The following GPC6 variants were observed in gnomAD, a reference collection of about 807,000 sequenced individuals.
The protein encoded by GPC6 is glypican-6.
Under a neutral mutation model 55.2 loss-of-function variants are expected in GPC6, and 14 were observed. The ratio of observed to expected loss-of-function variants is 0.25; its 90% CI spans 0.17 to 0.40. GPC6 has a LOEUF of 0.40. Ranked by LOEUF, GPC6 falls within the 10% of genes least tolerant of loss-of-function variation. The probability of loss-of-function intolerance (pLI) is 1.00; values close to 1 mark genes in which losing one functional copy is unlikely to be tolerated. For missense variants in GPC6, 641 were observed against 708.5 expected (o/e 0.90, Z 1.08); for synonymous variants, 278 against 259.6 (o/e 1.07, Z -0.68).
At chr13:93,817,024 G>C (rs536882753) in intron 2 of GPC6, among the ~76,000 whole-genome samples, 2 of 152,100 alleles carry the variant, frequency 1.3e-5, no homozygotes, top group African/African-American at 4.8e-5. Flanking sequence ...ATTTGTTAAA[G>C]GGAGTCCTGT....
At chr13:94,208,554 G>A (rs1232190185) in intron 4 of GPC6, among the ~76,000 whole-genome samples, 1 of 152,036 alleles carries the variant, frequency 6.6e-6, no homozygotes, top group East Asian at 1.9e-4. Flanking sequence ...AGGCCAGCGT[G>A]CACAGAGCAC....
intron 2 of GPC6, among the ~76,000 whole-genome samples, chr13:93,559,380 C>G (rs180717347): frequency 6.6e-6 from 1 of 152,276 alleles, no homozygotes; most frequent in African/African-American, 2.4e-5. Flanking sequence ...CAGTATTATA[C>G]ACAAATATAT....
At chr13:93,637,090 A>G (rs1879732905) in intron 2 of GPC6, among the ~76,000 whole-genome samples, 1 of 151,982 alleles carries the variant, frequency 6.6e-6, no homozygotes, top group Admixed American at 6.6e-5. Flanking sequence ...GTTTATTTGG[A>G]GGGGATGGGG....
chr13:94,340,466 A>G (rs899468501), intron 6 of GPC6, among the ~76,000 whole-genome samples: 1 of 152,190 alleles, frequency 6.6e-6, no homozygotes, highest in Non-Finnish European at 1.5e-5. Context: ...AAAGACCAAA[A>G]TTCTGGAGGC....
chr13:93,393,630 T>TTTTC (rs71123482), intron 1 of GPC6, among the ~76,000 whole-genome samples: 266 of 66,018 alleles, frequency 4.0e-3, no homozygotes, highest in Non-Finnish European at 0.012. Context: ...CTTAGACCTG[T>TTTTC]TCTCTCTCTC....
chr13:93,699,688 GA>G (rs1449444274), intron 2 of GPC6, among the ~76,000 whole-genome samples: 1 of 151,932 alleles, frequency 6.6e-6, no homozygotes, highest in East Asian at 1.9e-4. Flanking sequence ...CTTTCTATAG[GA>G]ATTGTGGTAA....
intron 2 of GPC6, among the ~76,000 whole-genome samples, chr13:93,695,763 G>T (rs1166736990): frequency 6.6e-6 from 1 of 152,036 alleles, no homozygotes; most frequent in Non-Finnish European, 1.5e-5. Flanking sequence ...TGTCAAAAAT[G>T]ATGAGCTCAA....
At chr13:94,168,092 G>A (rs1888428311) in intron 4 of GPC6, among the ~76,000 whole-genome samples, 1 of 152,210 alleles carries the variant, frequency 6.6e-6, no homozygotes, top group Non-Finnish European at 1.5e-5. Context: ...ATCACTGGTT[G>A]TCATAGGATG....
At chr13:93,551,308 CAA>C (rs11292944) in intron 2 of GPC6, among the ~76,000 whole-genome samples, 1,834 of 147,452 alleles carry the variant, frequency 0.012, 34 homozygotes, top group African/African-American at 0.04. Flanking sequence ...TGTTTTCTAA[CAA>C]AAAAAAAAAA....
chr13:93,370,303 C>A (rs528209592), intron 1 of GPC6, among the ~76,000 whole-genome samples: 3 of 152,060 alleles, frequency 2.0e-5, no homozygotes, highest in Admixed American at 6.6e-5. Context: ...AGCCTTCTGC[C>A]GCTATTCTTT....
At chr13:93,868,726 T>C (rs563270048) in intron 3 of GPC6, among the ~76,000 whole-genome samples, 1 of 151,802 alleles carries the variant, frequency 6.6e-6, no homozygotes, top group African/African-American at 2.4e-5. Context: ...TTAATATTAT[T>C]TGAGAGACGA....
chr13:93,727,909 T>C (rs1420875642), intron 2 of GPC6, among the ~76,000 whole-genome samples: 1 of 152,158 alleles, frequency 6.6e-6, no homozygotes, highest in Non-Finnish European at 1.5e-5. Context: ...TCCTGGCTGC[T>C]TCACAGAGAG....
intron 4 of GPC6, among the ~76,000 whole-genome samples, chr13:94,228,639 A>T (rs1890627868): frequency 6.6e-6 from 1 of 152,066 alleles, no homozygotes; most frequent in Non-Finnish European, 1.5e-5. Context: ...AGAGTAAAAC[A>T]TCCTGGAAAA....
chr13:94,216,427 A>G (rs1886930), intron 4 of GPC6, among the ~76,000 whole-genome samples: 49,351 of 152,056 alleles, frequency 0.32, 8,915 homozygotes, highest in Non-Finnish European at 0.41. Context: ...GCAAAATACT[A>G]TGTAAATATC....
intron 4 of GPC6, among the ~76,000 whole-genome samples, chr13:94,209,823 A>T (rs1471341880): frequency 6.6e-6 from 1 of 151,980 alleles, no homozygotes. Context: ...CTGTAAGTTT[A>T]ATTTTTAATT....
At chr13:94,049,605 G>A (rs762084995) in intron 4 of GPC6, among the ~76,000 whole-genome samples, 8 of 152,140 alleles carry the variant, frequency 5.3e-5, no homozygotes, top group African/African-American at 1.4e-4. Flanking sequence ...TGCTCTTGCC[G>A]CAGAAATATA....
chr13:94,216,269 A>G (rs1259736449), intron 4 of GPC6, among the ~76,000 whole-genome samples: 1 of 152,184 alleles, frequency 6.6e-6, no homozygotes, highest in East Asian at 1.9e-4. Flanking sequence ...CATGGTTATT[A>G]TTTTACTTTC....
chr13:93,241,910 G>A (rs923821636), intron 1 of GPC6, among the ~76,000 whole-genome samples: 10 of 151,658 alleles, frequency 6.6e-5, no homozygotes, highest in African/African-American at 2.4e-4. Flanking sequence ...AATTTCAGTT[G>A]CAAAGACTCT....
chr13:94,284,638 A>G (rs1325026832), intron 4 of GPC6, among the ~76,000 whole-genome samples: 1 of 152,098 alleles, frequency 6.6e-6, no homozygotes, highest in African/African-American at 2.4e-5. Context: ...ATGTATCATT[A>G]TAATCAGTGC....
Sources: gnomAD v4.1 joint callset for allele counts (sites outside exome capture counted in the v4.1 genomes callset) on GRCh38, gnomAD v4.1.1 for gene constraint, MANE v1.5 for transcripts, NCBI Gene and HGNC (gene_info 2026-07-23, HGNC 2026-07-21) for gene names.